The following CDH18 variants were observed in gnomAD, a reference collection of about 807,000 sequenced individuals.
CDH18 encodes cadherin 18, also known as cadherin-18.
CDH18 carries 31 observed loss-of-function variants against 67.9 expected under a neutral mutation model. That is an observed-to-expected ratio of 0.46 (90% CI 0.34 to 0.62). CDH18 has a LOEUF of 0.62. Among genes scored for constraint, CDH18 ranks in the 20% least tolerant of loss-of-function variants. The pLI is 0.01. For synonymous variants in CDH18, 362 were observed against 347.2 expected, an observed-to-expected ratio of 1.04 and a Z score of -0.48; for missense variants, 890 against 975.5, an observed-to-expected ratio of 0.91 and a Z score of 1.17.
intron 3 of CDH18, among the ~76,000 whole-genome samples, chr5:19,837,893 G>A (rs1225019591): frequency 1.3e-5 from 2 of 152,130 alleles, no homozygotes; most frequent in African/African-American, 4.8e-5. Flanking sequence ...ACAAACTGAA[G>A]TGTGGCTACT....
chr5:20,351,382 C>T (rs1047002228), intron 1 of CDH18, among the ~76,000 whole-genome samples: 27 of 151,860 alleles, frequency 1.8e-4, no homozygotes, highest in African/African-American at 6.5e-4. Context: ...ATTTTATTTG[C>T]AATATAAGCA....
intron 1 of CDH18, among the ~76,000 whole-genome samples, chr5:20,430,659 A>G (rs1241754640): frequency 6.6e-6 from 1 of 152,172 alleles, no homozygotes; most frequent in African/African-American, 2.4e-5. Flanking sequence ...TGTTTTTATC[A>G]CTTAGGGAAT....
intron 1 of CDH18, chr5:20,304,172 A>G: frequency 6.5e-7 from 1 of 1,529,514 alleles, no homozygotes. Flanking sequence ...TGGAACACAG[A>G]CAATAAAAAC....
At chr5:19,749,786 C>T (rs1024713554) in intron 3 of CDH18, among the ~76,000 whole-genome samples, 9 of 150,998 alleles carry the variant, frequency 6.0e-5, no homozygotes, top group African/African-American at 2.2e-4. Context: ...TCTGACTCCA[C>T]ATGTATAACA....
chr5:19,658,489 C>A (rs1270387015), intron 5 of CDH18, among the ~76,000 whole-genome samples: 1 of 152,008 alleles, frequency 6.6e-6, no homozygotes, highest in African/African-American at 2.4e-5. Flanking sequence ...TACTTATTTA[C>A]ATAAAGTATT....
In CDH18 at chr5:19,868,964, G is replaced by A. The variant is rs192449054; in HGVS notation, c.-256-29722C>T. ...CTACTGGACTTTAAAATGAAAGATTGTATAACTGAAAGCGGACAGCCACTT... is the reference window on the plus strand; with the variant it reads ...CTACTGGACTTTAAAATGAAAGATTATATAACTGAAAGCGGACAGCCACTT... On this transcript the variant is annotated intron_variant, in intron 2 of 12. Transcript: ENST00000382275. Among the ~76,000 whole-genome samples, 207 of 152,240 alleles carry A rather than the reference G, an allele frequency of 1.4e-3. 2 individuals carry two copies. The highest frequency in any genetic ancestry group is 1.6e-3 in the Non-Finnish European group (107 of 68,024).
chr5:20,003,118 G>A (rs1219098748), intron 2 of CDH18, among the ~76,000 whole-genome samples: 3 of 152,050 alleles, frequency 2.0e-5, no homozygotes, highest in Non-Finnish European at 4.4e-5. Context: ...AAATCAGCTG[G>A]AACAAGTATA....
At chr5:20,466,229 AT>A (rs1312368656) in intron 1 of CDH18, among the ~76,000 whole-genome samples, 1 of 152,038 alleles carries the variant, frequency 6.6e-6, no homozygotes, top group African/African-American at 2.4e-5. Context: ...CGCCATTTTC[AT>A]TTTCAGTGAC....
chr5:19,724,083 T>C (rs1257272448), intron 4 of CDH18, among the ~76,000 whole-genome samples: 1 of 152,172 alleles, frequency 6.6e-6, no homozygotes, highest in Non-Finnish European at 1.5e-5. Context: ...AGTGGCATTG[T>C]TCATGATAGC....
chr5:19,544,553 T>G (rs1331784799), intron 8 of CDH18, among the ~76,000 whole-genome samples: 1 of 149,732 alleles, frequency 6.7e-6, no homozygotes, highest in South Asian at 2.1e-4. Context: ...AAAAAATAAA[T>G]AAAGATAGGT....
chr5:19,773,905 G>A (rs890140891), intron 3 of CDH18, among the ~76,000 whole-genome samples: 2 of 152,142 alleles, frequency 1.3e-5, no homozygotes, highest in South Asian at 2.1e-4. Context: ...TAAAAACTTG[G>A]AATCATAAAC....
At chr5:20,360,479 T>C (rs899005635) in intron 1 of CDH18, among the ~76,000 whole-genome samples, 3 of 152,170 alleles carry the variant, frequency 2.0e-5, no homozygotes, top group Admixed American at 2.0e-4. Context: ...GTTGGCATCA[T>C]TCCTACTTAC....
intron 5 of CDH18, among the ~76,000 whole-genome samples, chr5:19,693,512 T>C (rs1018350950): frequency 1.3e-5 from 2 of 152,228 alleles, no homozygotes; most frequent in Admixed American, 6.5e-5. Flanking sequence ...TGGAAAATTC[T>C]TGGTGCCTGA....
chr5:19,658,120 ATC>A (rs754574477), intron 5 of CDH18, among the ~76,000 whole-genome samples: 26 of 99,634 alleles, frequency 2.6e-4, no homozygotes, highest in Non-Finnish European at 6.8e-4. Flanking sequence ...TATCAAAGTT[ATC>A]TCTTTATTAT....
intron 2 of CDH18, among the ~76,000 whole-genome samples, chr5:20,125,550 A>C (rs1214510755): frequency 6.6e-6 from 1 of 152,168 alleles, no homozygotes; most frequent in Non-Finnish European, 1.5e-5. Flanking sequence ...TCAAACTTTT[A>C]AAAGTAACCT....
chr5:20,403,892 AG>A (rs146969407), intron 1 of CDH18, among the ~76,000 whole-genome samples: 11,095 of 152,228 alleles, frequency 0.073, 466 homozygotes, highest in African/African-American at 0.11. Context: ...GCATGATGGA[AG>A]CTTCTTCCAA....
At chr5:19,841,949 T>A (rs1357330815) in intron 2 of CDH18, among the ~76,000 whole-genome samples, 1 of 152,224 alleles carries the variant, frequency 6.6e-6, no homozygotes, top group Admixed American at 6.5e-5. Flanking sequence ...TAAACATCAC[T>A]ACAGCGCTTA....
At chr5:20,377,700 G>A (rs1414114053) in intron 1 of CDH18, among the ~76,000 whole-genome samples, 1 of 152,062 alleles carries the variant, frequency 6.6e-6, no homozygotes, top group Admixed American at 6.5e-5. Context: ...AGATACCACA[G>A]CATCTAAATC....
At chr5:20,501,503 ATTT>A (rs559969247) in intron 1 of CDH18, among the ~76,000 whole-genome samples, 1 of 26,776 alleles carries the variant, frequency 3.7e-5, no homozygotes, top group African/African-American at 1.1e-4. Context: ...TTATATACAT[ATTT>A]TATATATATT....
Sources: gnomAD v4.1 joint callset for allele counts (sites outside exome capture counted in the v4.1 genomes callset) on GRCh38, gnomAD v4.1.1 for gene constraint, MANE v1.5 for transcripts, NCBI Gene and HGNC (gene_info 2026-07-23, HGNC 2026-07-21) for gene names.